FARS2: variants seen among roughly 807,000 people sequenced by gnomAD.
The protein encoded by FARS2 is phenylalanyl-tRNA synthetase 2, mitochondrial.
Under a neutral mutation model 46.4 loss-of-function variants are expected in FARS2, and 40 were observed. The observed-to-expected ratio is 0.86, with a 90% CI of 0.67 to 1.12. The LOEUF is 1.12. FARS2 is among the 50% of genes most tolerant of loss of function. The pLI, the probability that FARS2 is intolerant of heterozygous loss-of-function variation, is 0.00. For missense variants in FARS2, 513 were observed against 567.9 expected (o/e 0.90, Z 0.98); for synonymous variants, 234 against 214.9 (o/e 1.09, Z -0.78).
intron 1 of FARS2, among the ~76,000 whole-genome samples, chr6:5,294,188 G>T (rs1355615885): frequency 6.6e-6 from 1 of 152,172 alleles, no homozygotes; most frequent in African/African-American, 2.4e-5. Context: ...TGTATTTGGG[G>T]TCTTCTTGAT....
At chr6:5,335,875 G>A (rs1771122945) in intron 1 of FARS2, among the ~76,000 whole-genome samples, 1 of 152,228 alleles carries the variant, frequency 6.6e-6, no homozygotes, top group South Asian at 2.1e-4. Flanking sequence ...GATATGTGTA[G>A]TAGATAGTGA....
intron 6 of FARS2, among the ~76,000 whole-genome samples, chr6:5,619,534 A>G (rs1775655418): frequency 6.6e-6 from 1 of 152,174 alleles, no homozygotes; most frequent in Admixed American, 6.5e-5. Flanking sequence ...CCAGGTCACT[A>G]AAGGGGCCTC....
intron 4 of FARS2, among the ~76,000 whole-genome samples, chr6:5,487,588 G>C (rs150218776): frequency 6.6e-6 from 1 of 152,138 alleles, no homozygotes. Context: ...GCCTGAAGTC[G>C]CACGTTTCAG....
chr6:5,471,815 G>C lies in FARS2; in HGVS notation c.904+40643G>C, dbSNP rs901882914. On this transcript the variant is annotated intron_variant, in intron 4 of 6. Coordinates refer to ENST00000274680, the MANE Select transcript of FARS2 (RefSeq NM_006567.5). This position sits in a 1 kb window ranked among gnomAD's most constrained non-coding sequence, Gnocchi z 4.1. ...GGTGCGCCCCGTCTGACACCAGGGC[G>C]ACTTGAGAATTGAGCCCAGGGAAGC... Among the ~76,000 whole-genome samples, 2 of 152,172 alleles carry C rather than the reference G, an allele frequency of 1.3e-5. No individual in the cohort carries two copies. The highest frequency in any genetic ancestry group is 2.9e-5 in the Non-Finnish European group (2 of 68,030).
chr6:5,350,362 T>C (rs1757501704), intron 1 of FARS2, among the ~76,000 whole-genome samples: 1 of 152,086 alleles, frequency 6.6e-6, no homozygotes, highest in South Asian at 2.1e-4. Context: ...GGAAAGACAT[T>C]GTTTCTAGAA....
At chr6:5,362,112 A>T (rs1056821016) in intron 1 of FARS2, among the ~76,000 whole-genome samples, 4 of 152,332 alleles carry the variant, frequency 2.6e-5, no homozygotes, top group African/African-American at 9.6e-5. Flanking sequence ...GTTACTTCTT[A>T]GAGCAGTCTT....
intron 1 of FARS2, among the ~76,000 whole-genome samples, chr6:5,348,104 C>T (rs1011945612): frequency 1.3e-5 from 2 of 152,072 alleles, no homozygotes; most frequent in Non-Finnish European, 1.5e-5. Flanking sequence ...TATTCTTTGC[C>T]GGTCTTTGGC....
chr6:5,728,455 G>T (rs933239774), intron 6 of FARS2, among the ~76,000 whole-genome samples: 2 of 152,096 alleles, frequency 1.3e-5, no homozygotes, highest in Non-Finnish European at 2.9e-5. Flanking sequence ...GACAGGGAGG[G>T]GGTGAGGAGG....
chr6:5,672,975 G>A (rs575091130), intron 6 of FARS2, among the ~76,000 whole-genome samples: 3 of 152,302 alleles, frequency 2.0e-5, no homozygotes, highest in Admixed American at 1.3e-4. Context: ...GGGGAAGGTA[G>A]GAGTAATTAA....
intron 4 of FARS2, among the ~76,000 whole-genome samples, chr6:5,483,599 A>G (rs1429015999): frequency 1.3e-5 from 2 of 152,096 alleles, no homozygotes; most frequent in Admixed American, 6.5e-5. Flanking sequence ...CCCAGGAGGC[A>G]GAGGTTGCAG....
intron 1 of FARS2, among the ~76,000 whole-genome samples, chr6:5,298,256 T>C (rs1768037258): frequency 6.6e-6 from 1 of 152,212 alleles, no homozygotes; most frequent in Non-Finnish European, 1.5e-5. Context: ...TCTTGTATTG[T>C]TGTCAGGGAG....
chr6:5,299,909 A>G (rs1475339172), intron 1 of FARS2, among the ~76,000 whole-genome samples: 1 of 152,220 alleles, frequency 6.6e-6, no homozygotes, highest in East Asian at 1.9e-4. Context: ...CGATAGTCAC[A>G]TAAGCCAATT....
rs943131062 is a variant in FARS2 at position 5,423,799 on chromosome 6, C to T, written c.773-7242C>T. Among the ~76,000 whole-genome samples the T allele has an allele frequency of 2.6e-4, 40 of 152,090 alleles. 1 individual carries two copies. The highest frequency in any genetic ancestry group is 7.0e-4 in the African/African-American group (29 of 41,396). On this transcript the variant is annotated intron_variant, in intron 3 of 6. Coordinates refer to ENST00000274680, the MANE Select transcript of FARS2 (RefSeq NM_006567.5). The stretch of plus-strand genomic sequence containing the variant: ...GTGTGGACGCATAGGATATATATGG[C>T]GCTCTTAAAGAGTCACAGTGGTGGC...
intron 1 of FARS2, among the ~76,000 whole-genome samples, chr6:5,312,720 C>G (rs1189786591): frequency 6.6e-6 from 1 of 152,148 alleles, no homozygotes; most frequent in Non-Finnish European, 1.5e-5. Flanking sequence ...ATAAGGAGTC[C>G]AACCGGGACT....
chr6:5,423,625 A>G (rs1226844562), intron 3 of FARS2, among the ~76,000 whole-genome samples: 1 of 152,100 alleles, frequency 6.6e-6, no homozygotes, highest in South Asian at 2.1e-4. Flanking sequence ...AATAGTGTTA[A>G]TATCTTCTGT....
At chr6:5,411,034 G>C (rs114547821) in intron 3 of FARS2, among the ~76,000 whole-genome samples, 1 of 152,112 alleles carries the variant, frequency 6.6e-6, no homozygotes, top group Non-Finnish European at 1.5e-5. Flanking sequence ...CTTTTGGATA[G>C]GATACAAAGA....
At chr6:5,404,771 G>GGT in intron 3 of FARS2, 70 bp downstream of exon 3, 2 of 622,356 alleles carry the variant, frequency 3.2e-6, no homozygotes, top group African/African-American at 2.2e-5. Context: ...TTGGATTTGG[G>GGT]TTTTTTTTTT....
At chr6:5,460,765 G>A (rs1398283800) in intron 4 of FARS2, among the ~76,000 whole-genome samples, 2 of 152,178 alleles carry the variant, frequency 1.3e-5, no homozygotes, top group Non-Finnish European at 2.9e-5. Context: ...GAGCCAAGCT[G>A]CAGAATGATG....
chr6:5,614,242 T>G lies in FARS2; in HGVS notation c.1217+922T>G, dbSNP rs112013751. ...ACTGGTCACCTTTAAATGGTCCCCT[T>G]TGGCTCCTAGCTGTTAGAGAAGAAA... On this transcript the variant is annotated intron_variant, in intron 6 of 6. Coordinates refer to ENST00000274680, the MANE Select transcript of FARS2 (RefSeq NM_006567.5). 5.0e-3 allele frequency among the ~76,000 whole-genome samples: 768 copies of G among 152,288 alleles called. 3 individuals carry two copies. The highest frequency in any genetic ancestry group is 8.4e-3 in the Non-Finnish European group (573 of 68,020).
Sources: allele counts gnomAD v4.1 joint callset (sites outside exome capture counted in the v4.1 genomes callset), GRCh38; gene constraint gnomAD v4.1.1; non-coding constraint Gnocchi (gnomAD v3.1); transcripts MANE v1.5; gene names NCBI Gene and HGNC (gene_info 2026-07-23, HGNC 2026-07-21).